Variants in CSMD1 observed in about 807,000 individuals in gnomAD.
The protein encoded by CSMD1 is CUB and Sushi multiple domains 1.
In CSMD1, 213 loss-of-function variants were observed where a neutral mutation model predicts 417.5. That is an observed-to-expected ratio of 0.51 (90% CI 0.46 to 0.57). The LOEUF (loss-of-function observed/expected upper bound fraction) is 0.57. Ranked by LOEUF, CSMD1 falls within the 20% of genes least tolerant of loss-of-function variation. CSMD1 has a pLI of 0.00. For synonymous variants in CSMD1, 2,862 were observed against 1,736.8 expected, an observed-to-expected ratio of 1.65 and a Z score of -16.11; for missense variants, 6,923 against 4,529.7, an observed-to-expected ratio of 1.53 and a Z score of -15.17.
chr8:4,723,017 G>C (rs1414550734), intron 1 of CSMD1, among the ~76,000 whole-genome samples: 1 of 152,126 alleles, frequency 6.6e-6, no homozygotes, highest in Non-Finnish European at 1.5e-5. Context: ...GTCTCACTGA[G>C]ACACTGCTAT....
At position 3,574,553 on chromosome 8, in the gene CSMD1, C is replaced by T. The variant is rs117501549; in HGVS notation, c.1344+392G>A. Among the ~76,000 whole-genome samples, 733 of 152,300 alleles carry T rather than the reference C, an allele frequency of 4.8e-3. 2 individuals carry two copies. The highest frequency in any genetic ancestry group is 0.024 in the Middle Eastern group (7 of 294). Reference sequence around the variant, plus strand: ...TGAGCGACTGAGCCCGGCCAAAAGACAGTATTTTTGTGTCTGAGTATAGTA... The same window carrying T: ...TGAGCGACTGAGCCCGGCCAAAAGATAGTATTTTTGTGTCTGAGTATAGTA... On this transcript the variant is annotated intron_variant, in intron 10 of 69. Transcript: ENST00000635120.
chr8:4,715,729 C>T (rs1453818500), intron 1 of CSMD1, among the ~76,000 whole-genome samples: 5 of 152,166 alleles, frequency 3.3e-5, no homozygotes, highest in African/African-American at 4.8e-5. Context: ...CCCTCAGCCC[C>T]TCTCTTTCTC....
intron 1 of CSMD1, among the ~76,000 whole-genome samples, chr8:4,952,670 T>C (rs1808830986): frequency 6.6e-6 from 1 of 152,090 alleles, no homozygotes; most frequent in Non-Finnish European, 1.5e-5. Flanking sequence ...TTTAAAAATC[T>C]ATCAGAAGCA....
At chr8:4,471,095 G>C (rs58593589) in intron 2 of CSMD1, among the ~76,000 whole-genome samples, 53 of 152,136 alleles carry the variant, frequency 3.5e-4, no homozygotes, top group African/African-American at 1.1e-3. Flanking sequence ...TATTTGTTTT[G>C]TATTTGTGTG....
intron 61 of CSMD1, 23 bp from the exon 62 acceptor site, chr8:2,961,237 A>C: frequency 2.0e-6 from 3 of 1,473,968 alleles, no homozygotes; most frequent in Non-Finnish European, 2.8e-6. Flanking sequence ...ATTTAAAAAG[A>C]AAAGAGGGCA....
chr8:4,437,915 T>C (rs1798239332), intron 2 of CSMD1, among the ~76,000 whole-genome samples: 1 of 152,172 alleles, frequency 6.6e-6, no homozygotes, highest in Non-Finnish European at 1.5e-5. Context: ...CTCTCAGGCT[T>C]GGACATCAAC....
intron 7 of CSMD1, among the ~76,000 whole-genome samples, chr8:3,667,080 T>G (rs917082202): frequency 2.0e-5 from 3 of 152,088 alleles, no homozygotes; most frequent in African/African-American, 7.2e-5. Flanking sequence ...GATTATTGAG[T>G]GCTTGGTACA....
In CSMD1 at chr8:3,588,690, C is replaced by A. The variant is rs185293058; in HGVS notation, c.1098-2430G>T. ...GAGAAAAACAATCAATAAGCCTAAACCCCCAAAGCGCAGACAACACAGGCA... is the reference window on the plus strand; with the variant it reads ...GAGAAAAACAATCAATAAGCCTAAAACCCCAAAGCGCAGACAACACAGGCA... On this transcript the variant is annotated intron_variant, in intron 8 of 69. Transcript: ENST00000635120. Among the ~76,000 whole-genome samples the A allele has an allele frequency of 1.3e-3, 201 of 152,096 alleles. 1 individual carries two copies. Among genetic ancestry groups the A allele is most frequent in the African/African-American group, 4.7e-3 (196 of 41,494 alleles).
intron 1 of CSMD1, among the ~76,000 whole-genome samples, chr8:4,722,209 T>A (rs1461979508): frequency 1.3e-5 from 2 of 152,254 alleles, no homozygotes; most frequent in African/African-American, 4.8e-5. Flanking sequence ...TTAAATATAT[T>A]AAATATATTG....
At chr8:3,179,652 G>T (rs1176844560) in intron 37 of CSMD1, among the ~76,000 whole-genome samples, 3 of 152,112 alleles carry the variant, frequency 2.0e-5, no homozygotes, top group Non-Finnish European at 2.9e-5. Context: ...GATGCTACAG[G>T]ATAACTTTGA....
At chr8:4,516,752 C>G (rs1803149480) in intron 2 of CSMD1, among the ~76,000 whole-genome samples, 1 of 152,116 alleles carries the variant, frequency 6.6e-6, no homozygotes, top group South Asian at 2.1e-4. Context: ...CAACAAGGTC[C>G]CTTTGCATTT....
chr8:3,606,202 C>T (rs1286339275), intron 8 of CSMD1, among the ~76,000 whole-genome samples: 1 of 152,136 alleles, frequency 6.6e-6, no homozygotes, highest in Non-Finnish European at 1.5e-5. Context: ...GGCCAAGGTG[C>T]AGTCACTTGT....
At chr8:4,293,047 A>AT (rs1797460682) in intron 3 of CSMD1, among the ~76,000 whole-genome samples, 1 of 152,164 alleles carries the variant, frequency 6.6e-6, no homozygotes, top group Non-Finnish European at 1.5e-5. Context: ...AGAAGGGGCT[A>AT]TTCCACCAGA....
intron 1 of CSMD1, among the ~76,000 whole-genome samples, chr8:4,752,750 G>T (rs778850292): frequency 1.3e-5 from 2 of 152,128 alleles, no homozygotes; most frequent in South Asian, 4.1e-4. Context: ...GATTTGCTCC[G>T]TGGAAGGACA....
chr8:4,952,424 T>C (rs970230478), intron 1 of CSMD1, among the ~76,000 whole-genome samples: 1 of 152,062 alleles, frequency 6.6e-6, no homozygotes, highest in African/African-American at 2.4e-5. Context: ...AGAGTCTATA[T>C]TAGTGAGTCA....
chr8:3,164,026 G>A (rs1030795478), intron 37 of CSMD1, among the ~76,000 whole-genome samples: 1 of 152,162 alleles, frequency 6.6e-6, no homozygotes, highest in East Asian at 1.9e-4. Flanking sequence ...CACCAGTGCC[G>A]ACCCCAGATC....
intron 3 of CSMD1, among the ~76,000 whole-genome samples, chr8:4,078,758 T>G (rs1398692436): frequency 1.3e-5 from 2 of 150,158 alleles, no homozygotes; most frequent in Non-Finnish European, 1.5e-5. Context: ...ATTTCAGGCC[T>G]GGCACACTGG....
At chr8:4,525,344 G>A (rs748862453) in intron 2 of CSMD1, among the ~76,000 whole-genome samples, 8 of 152,136 alleles carry the variant, frequency 5.3e-5, no homozygotes, top group South Asian at 2.1e-4. Context: ...TCAGCAGACA[G>A]TGAGTGAGAA....
intron 37 of CSMD1, among the ~76,000 whole-genome samples, chr8:3,175,060 A>G (rs1229400156): frequency 1.3e-5 from 2 of 152,324 alleles, no homozygotes; most frequent in Middle Eastern, 3.4e-3. Context: ...ACTATATCAC[A>G]AAATTATCTA....
Sources: gnomAD v4.1 joint callset for allele counts (sites outside exome capture counted in the v4.1 genomes callset) on GRCh38, gnomAD v4.1.1 for gene constraint, MANE v1.5 for transcripts, NCBI Gene and HGNC (gene_info 2026-07-23, HGNC 2026-07-21) for gene names.